The following LAMA2 variants were observed in gnomAD, a reference collection of about 807,000 sequenced individuals.
The protein encoded by LAMA2 is laminin subunit alpha-2.
LAMA2 carries 269 observed loss-of-function variants against 364.8 expected under a neutral mutation model. The ratio of observed to expected loss-of-function variants is 0.74; its 90% CI spans 0.67 to 0.82. LAMA2 has a LOEUF of 0.82. Ranked by LOEUF, LAMA2 falls within the 40% of genes least tolerant of loss-of-function variation. The probability of loss-of-function intolerance (pLI) is 0.00; values close to 1 mark genes in which losing one functional copy is unlikely to be tolerated. For synonymous variants in LAMA2, 1,379 were observed against 1,370.6 expected, an observed-to-expected ratio of 1.01 and a Z score of -0.14; for missense variants, 3,807 against 3,873.2, an observed-to-expected ratio of 0.98 and a Z score of 0.45.
At chr6:128,914,172 A>G (rs907927469) in intron 1 of LAMA2, among the ~76,000 whole-genome samples, 1 of 152,198 alleles carries the variant, frequency 6.6e-6, no homozygotes, top group Non-Finnish European at 1.5e-5. Flanking sequence ...ATAGCTTTCT[A>G]TGGCTGAAGG....
At chr6:129,329,685 C>T (rs1775514619) in intron 29 of LAMA2, among the ~76,000 whole-genome samples, 1 of 152,138 alleles carries the variant, frequency 6.6e-6, no homozygotes, top group African/African-American at 2.4e-5. Flanking sequence ...CTTTCTTTCA[C>T]TCCCTTCATT....
At chr6:129,113,586 T>C (rs897246250) in intron 4 of LAMA2, among the ~76,000 whole-genome samples, 2 of 152,000 alleles carry the variant, frequency 1.3e-5, no homozygotes, top group African/African-American at 4.8e-5. Flanking sequence ...CATTTAAATA[T>C]AGGCAAAACA....
chr6:129,153,455 G>A (rs1365033060), intron 7 of LAMA2, among the ~76,000 whole-genome samples: 6 of 152,090 alleles, frequency 3.9e-5, no homozygotes, highest in East Asian at 1.9e-4. Context: ...ACTAGCTCTC[G>A]GTTTGTCTTA....
intron 1 of LAMA2, among the ~76,000 whole-genome samples, chr6:128,938,101 T>A (rs1393880625): frequency 1.3e-5 from 2 of 152,114 alleles, no homozygotes; most frequent in Non-Finnish European, 2.9e-5. Context: ...TATTTCTGAC[T>A]TTTTAGCCAG....
chr6:129,507,883 C>G (rs1266096068), intron 62 of LAMA2, among the ~76,000 whole-genome samples: 1 of 152,206 alleles, frequency 6.6e-6, no homozygotes, highest in Non-Finnish European at 1.5e-5. Flanking sequence ...CCATCTCCTT[C>G]ACTGGAGGTT....
At chr6:129,126,840 G>T (rs1310365552) in intron 4 of LAMA2, among the ~76,000 whole-genome samples, 1 of 152,208 alleles carries the variant, frequency 6.6e-6, no homozygotes, top group Non-Finnish European at 1.5e-5. Context: ...GGAGGCTGAG[G>T]CAGATGGATT....
At chr6:129,007,229 G>A (rs896387166) in intron 1 of LAMA2, among the ~76,000 whole-genome samples, 4 of 152,084 alleles carry the variant, frequency 2.6e-5, no homozygotes, top group Non-Finnish European at 2.9e-5. Context: ...GATTTAGGGA[G>A]GCTCAGGGAG....
At position 129,491,995 on chromosome 6, in the gene LAMA2, G is replaced by A. The variant is rs751528737; in HGVS notation, c.7993G>A (p.Ala2665Thr). 3 of 1,613,944 alleles carry A rather than the reference G, an allele frequency of 1.9e-6. No individual in the cohort carries two copies. The South Asian group carries it at 3.3e-5, about 18-fold the overall frequency. Reference sequence around the variant, plus strand: ...AGTTAAAAAGCTTTTCGTTGGGGGTGCTCCACCTGAATTTCAACCTTCCCC... The same window carrying A: ...AGTTAAAAAGCTTTTCGTTGGGGGTACTCCACCTGAATTTCAACCTTCCCC... ...IEVKKLFVGG[A>T]PPEFQPSPLR... Residue 2665 changes from alanine to threonine, a missense_variant, in exon 57 of 65, where the codon GCT becomes ACT. By Grantham distance (58) the Ala-to-Thr change is moderately conservative (BLOSUM62 0). This residue lies in a region of LAMA2 where 3,333 missense variants were observed against 3,345.7 expected (regional missense o/e 1.00). Coordinates refer to ENST00000421865, the MANE Select transcript of LAMA2 (RefSeq NM_000426.4).
intron 3 of LAMA2, among the ~76,000 whole-genome samples, chr6:129,077,500 C>A (rs1248381723): frequency 6.6e-6 from 1 of 152,066 alleles, no homozygotes; most frequent in Non-Finnish European, 1.5e-5. Context: ...CATTCTGATA[C>A]AATTAACAGA....
chr6:129,234,383 G>T (rs948059385), intron 12 of LAMA2, among the ~76,000 whole-genome samples: 5 of 151,968 alleles, frequency 3.3e-5, no homozygotes, highest in African/African-American at 1.2e-4. Flanking sequence ...TTATATAGAA[G>T]CCCCTCAGAG....
chr6:128,956,101 C>T (rs887388419), intron 1 of LAMA2, among the ~76,000 whole-genome samples: 1 of 151,882 alleles, frequency 6.6e-6, no homozygotes, highest in Non-Finnish European at 1.5e-5. Context: ...ATCAAAGATA[C>T]ATAATAATAT....
intron 12 of LAMA2, among the ~76,000 whole-genome samples, chr6:129,215,567 A>G (rs1227292669): frequency 6.6e-6 from 1 of 152,180 alleles, no homozygotes; most frequent in Non-Finnish European, 1.5e-5. Context: ...CATAGAATGA[A>G]TGATGGAGTC....
At chr6:129,328,527 A>C (rs1775439718) in intron 29 of LAMA2, 115 bp downstream of exon 29, 4 of 1,512,496 alleles carry the variant, frequency 2.6e-6, no homozygotes, top group Non-Finnish European at 3.6e-6. Flanking sequence ...TGTGTGTGTG[A>C]AATAAAATAT....
At chr6:129,493,406 A>G (rs554760977) in intron 58 of LAMA2, among the ~76,000 whole-genome samples, 2 of 152,192 alleles carry the variant, frequency 1.3e-5, no homozygotes, top group African/African-American at 2.4e-5. Context: ...TCAGTTTCCC[A>G]TCCAAGTACT....
At chr6:129,239,961 A>C (rs1383699984) in intron 12 of LAMA2, among the ~76,000 whole-genome samples, 1 of 152,216 alleles carries the variant, frequency 6.6e-6, no homozygotes, top group Non-Finnish European at 1.5e-5. Flanking sequence ...CTGCAAGCTG[A>C]GTAGCAAGAA....
Position 129,492,404 on chromosome 6 carries a change from C to G in LAMA2, c.8165C>G (p.Ala2722Gly), listed in dbSNP as rs1784917307. 6.2e-7 allele frequency: 1 copy of G among 1,614,110 alleles called. No homozygotes were observed. The highest frequency in any genetic ancestry group is 8.5e-7 in the Non-Finnish European group (1 of 1,179,954). ...HQKLREDEDGAAPAEIVIQPE... is the reference protein window; with the variant it reads ...HQKLREDEDGGAPAEIVIQPE... ...AAACTCCGTGAAGATGAAGATGGAGCAGCTCCAGCTGAAATAGTTATCCAG... is the reference window on the plus strand; with the variant it reads ...AAACTCCGTGAAGATGAAGATGGAGGAGCTCCAGCTGAAATAGTTATCCAG... The change falls in exon 58 of 65, where the codon GCA becomes GGA. Residue 2722 changes from alanine to glycine, a missense_variant. Ala to Gly is a moderately conservative substitution (Grantham distance 60). Transcript: ENST00000421865.
chr6:129,505,119 C>T (rs1785948897), intron 60 of LAMA2, 81 bp from the exon 61 acceptor site: 1 of 1,249,716 alleles, frequency 8.0e-7, no homozygotes, highest in Non-Finnish European at 1.2e-6. Context: ...TTGGTAACAT[C>T]GTTAGAGTCC....
Position 129,505,333 on chromosome 6 carries a change from A to G in LAMA2, c.8681A>G (p.Tyr2894Cys). 4 of 1,613,744 alleles carry G rather than the reference A, an allele frequency of 2.5e-6. No individual in the cohort carries two copies. The change falls in exon 61 of 65, where the codon TAC becomes TGC. Residue 2894 changes from tyrosine to cysteine, a missense_variant. By Grantham distance (194) the Tyr-to-Cys change is radical (BLOSUM62 -2). Around this residue, in one of 3 missense-constraint regions of LAMA2, gnomAD observed 3,333 missense variants for 3,345.7 expected, o/e 1.00. Transcript: ENST00000421865. ...TATGTTGGTGGGTTACCCATCAACT[A>G]CACTACCCGAAGAATTGGTCCAGTA... ...MLYVGGLPIN[Y>C]TTRRIGPVTY...
At position 128,962,457 on chromosome 6, in the gene LAMA2, T is replaced by C. The variant is rs1399965359; in HGVS notation, c.112+79100T>C. Among the ~76,000 whole-genome samples the C allele has an allele frequency of 2.0e-5, 3 of 151,962 alleles. No homozygotes were observed. The East Asian group carries it at 5.8e-4, about 29-fold the overall frequency. On this transcript the variant is annotated intron_variant, in intron 1 of 64. Transcript: ENST00000421865. ...TTTTGTGTGTCTCACGTTTAGAGGGTAGCTTAAGAGGTTCTTTAACTGCAT... is the reference window on the plus strand; with the variant it reads ...TTTTGTGTGTCTCACGTTTAGAGGGCAGCTTAAGAGGTTCTTTAACTGCAT...
Sources: gnomAD v4.1 joint callset for allele counts (sites outside exome capture counted in the v4.1 genomes callset) on GRCh38, gnomAD v4.1.1 for gene constraint, gnomAD v4.1.1 regional missense constraint, MANE v1.5 for transcripts, NCBI Gene and HGNC (gene_info 2026-07-23, HGNC 2026-07-21) for gene names.